The following ERI3 variants were observed in gnomAD, a reference collection of about 807,000 sequenced individuals.
The protein encoded by ERI3 is ERI1 exoribonuclease 3.
ERI3 carries 18 observed loss-of-function variants against 44.4 expected under a neutral mutation model. The observed-to-expected ratio is 0.41, with a 90% CI of 0.28 to 0.60. ERI3 has a LOEUF of 0.60. Among genes scored for constraint, ERI3 ranks in the 20% least tolerant of loss-of-function variants. The pLI, the probability that ERI3 is intolerant of heterozygous loss-of-function variation, is 0.36. For missense variants in ERI3, 294 were observed against 435.5 expected (o/e 0.68, Z 2.89); for synonymous variants, 183 against 164.8 (o/e 1.11, Z -0.84).
intron 3 of ERI3, 92 bp from the exon 4 acceptor site, chr1:44,319,836 T>G (rs1646164481): frequency 2.0e-6 from 2 of 977,172 alleles, no homozygotes; most frequent in East Asian, 5.0e-5. Context: ...ATGAGTGTTT[T>G]GGATTCATTA....
chr1:44,333,073 C>T (rs1442060558), intron 3 of ERI3, among the ~76,000 whole-genome samples: 1 of 152,222 alleles, frequency 6.6e-6, no homozygotes, highest in Non-Finnish European at 1.5e-5. Flanking sequence ...ACACTTACAG[C>T]TCACACAGTC....
rs780856096 is a variant in ERI3 at position 44,319,620 on chromosome 1, G to A, written c.606+8C>T. 1 of 1,599,256 alleles carries A rather than the reference G, an allele frequency of 6.3e-7. No homozygotes were observed. Among genetic ancestry groups the A allele is most frequent in the Non-Finnish European group, 8.6e-7 (1 of 1,167,046 alleles). ...GCAGCCCCTGCTGCCCACTTCCAGG[G>A]CCCTTACCTCTGTACAGAATGGGGT... On this transcript the variant is annotated splice_region_variant and intron_variant, in intron 4 of 8. Coordinates refer to ENST00000372257, the MANE Select transcript of ERI3 (RefSeq NM_024066.3).
At chr1:44,353,628 C>G in intron 1 of ERI3, 9 of 985,406 alleles carry the variant, frequency 9.1e-6, no homozygotes, top group Non-Finnish European at 1.1e-5. Context: ...CCAATTTACC[C>G]CACCACAAAG....
intron 6 of ERI3, among the ~76,000 whole-genome samples, chr1:44,303,894 A>G (rs1258432580): frequency 2.0e-5 from 3 of 150,364 alleles, no homozygotes; most frequent in Non-Finnish European, 2.9e-5. Flanking sequence ...TAGCAATCCA[A>G]GAAGAATATG....
chr1:44,299,142 C>T (rs904049239), intron 6 of ERI3, among the ~76,000 whole-genome samples: 2 of 152,078 alleles, frequency 1.3e-5, no homozygotes, highest in African/African-American at 4.8e-5. Context: ...GCTATATACA[C>T]TTCACATTTG....
intron 8 of ERI3, among the ~76,000 whole-genome samples, chr1:44,247,438 G>A (rs547295749): frequency 9.2e-5 from 14 of 152,320 alleles, no homozygotes; most frequent in Non-Finnish European, 2.1e-4. Flanking sequence ...TGCTGCTCCT[G>A]CGGGGGAGTC....
intron 3 of ERI3, among the ~76,000 whole-genome samples, chr1:44,328,299 G>T (rs1016238616): frequency 7.0e-6 from 1 of 142,204 alleles, no homozygotes; most frequent in Non-Finnish European, 1.5e-5. Flanking sequence ...TAAGCAGGCA[G>T]GAATCACTCC....
intron 1 of ERI3, chr1:44,354,573 T>C (rs1295201199): frequency 2.3e-5 from 23 of 985,292 alleles, no homozygotes; most frequent in Non-Finnish European, 2.5e-5. Flanking sequence ...TAACCTGGTG[T>C]GTGGGCATGT....
intron 1 of ERI3, 66 bp downstream of exon 1, chr1:44,354,826 C>A: frequency 7.6e-7 from 1 of 1,310,160 alleles, no homozygotes; most frequent in Non-Finnish European, 9.8e-7. Flanking sequence ...TTCTGCGCAC[C>A]GCGACCCTCA....
intron 7 of ERI3, among the ~76,000 whole-genome samples, chr1:44,265,832 T>C (rs1004105033): frequency 6.6e-6 from 1 of 152,126 alleles, no homozygotes; most frequent in Non-Finnish European, 1.5e-5. Context: ...GGCAAATTTA[T>C]AGAGATGGAA....
intron 3 of ERI3, among the ~76,000 whole-genome samples, chr1:44,330,144 T>C (rs1400478640): frequency 6.6e-6 from 1 of 152,224 alleles, no homozygotes; most frequent in African/African-American, 2.4e-5. Context: ...TGTTTCTTCT[T>C]TTCCACTCAG....
intron 7 of ERI3, among the ~76,000 whole-genome samples, chr1:44,279,161 A>T (rs1645238209): frequency 1.3e-5 from 2 of 151,586 alleles, no homozygotes; most frequent in South Asian, 4.2e-4. Context: ...CTCACCCTAT[A>T]CCCTCTTCTT....
intron 8 of ERI3, among the ~76,000 whole-genome samples, chr1:44,236,858 C>A (rs1437094115): frequency 6.6e-6 from 1 of 152,148 alleles, no homozygotes; most frequent in Admixed American, 6.5e-5. Flanking sequence ...TTTTCACTCA[C>A]CACCTCCAAA....
intron 8 of ERI3, among the ~76,000 whole-genome samples, chr1:44,231,837 T>C (rs1270612157): frequency 6.6e-6 from 1 of 152,214 alleles, no homozygotes; most frequent in Non-Finnish European, 1.5e-5. Context: ...GTAAGTTTGC[T>C]GAAAGGCCTT....
At chr1:44,354,272 C>T in intron 1 of ERI3, 1 of 985,418 alleles carries the variant, frequency 1.0e-6, no homozygotes, top group Non-Finnish European at 1.2e-6. Context: ...AGAGACCTCT[C>T]GCAGACACAA....
At position 44,266,558 on chromosome 1, in the gene ERI3, C is replaced by T. The variant is rs138295445; in HGVS notation, c.831+18277G>A. Among the ~76,000 whole-genome samples the T allele has an allele frequency of 1.3e-3, 192 of 152,310 alleles. 2 individuals are homozygous for T. The highest frequency in any genetic ancestry group is 4.3e-3 in the African/African-American group (177 of 41,566). On this transcript the variant is annotated intron_variant, in intron 7 of 8. Coordinates refer to ENST00000372257, the MANE Select transcript of ERI3 (RefSeq NM_024066.3). ...AATCACAATATCCAGAGTTTAAATC[C>T]TTAAGTCCTTCTCCCAATAAACTCT...
intron 5 of ERI3, among the ~76,000 whole-genome samples, chr1:44,311,607 T>C (rs183497923): frequency 1.3e-5 from 2 of 151,854 alleles, no homozygotes; most frequent in Non-Finnish European, 2.9e-5. Flanking sequence ...TAACAGGGGG[T>C]TGCCTCCTCA....
intron 2 of ERI3, among the ~76,000 whole-genome samples, chr1:44,347,213 G>T (rs1646802652): frequency 6.6e-6 from 1 of 152,168 alleles, no homozygotes; most frequent in African/African-American, 2.4e-5. Context: ...TTAACTAAAA[G>T]TAACTCAACC....
At chr1:44,333,453 A>G (rs1208410621) in intron 3 of ERI3, among the ~76,000 whole-genome samples, 1 of 152,188 alleles carries the variant, frequency 6.6e-6, no homozygotes, top group Non-Finnish European at 1.5e-5. Context: ...AGGAGCTACA[A>G]CCAGGACAAG....
Sources: allele counts gnomAD v4.1 joint callset (sites outside exome capture counted in the v4.1 genomes callset), GRCh38; gene constraint gnomAD v4.1.1; transcripts MANE v1.5; gene names NCBI Gene and HGNC (gene_info 2026-07-23, HGNC 2026-07-21).